Variants in SEMA3A observed in about 807,000 individuals in gnomAD.
SEMA3A encodes semaphorin-3A.
Under a neutral mutation model 97.9 loss-of-function variants are expected in SEMA3A, and 29 were observed. The ratio of observed to expected loss-of-function variants is 0.30; its 90% CI spans 0.22 to 0.40. The LOEUF is 0.40. SEMA3A is among the 10% of genes least tolerant of loss of function. SEMA3A has a pLI of 1.00. For synonymous variants in SEMA3A, 321 were observed against 323.7 expected, an observed-to-expected ratio of 0.99 and a Z score of 0.09; for missense variants, 763 against 951.3, an observed-to-expected ratio of 0.80 and a Z score of 2.60.
intron 2 of SEMA3A, among the ~76,000 whole-genome samples, chr7:84,132,848 G>A (rs1796007325): frequency 6.6e-6 from 1 of 151,362 alleles, no homozygotes; most frequent in Non-Finnish European, 1.5e-5. Flanking sequence ...GCTAATTTTT[G>A]TATTTTTAGT....
intron 1 of SEMA3A, among the ~76,000 whole-genome samples, chr7:84,419,945 T>C (rs1804540121): frequency 6.6e-6 from 1 of 152,176 alleles, no homozygotes; most frequent in African/African-American, 2.4e-5. Flanking sequence ...AGGAAATTTC[T>C]GCCATGATAC....
chr7:84,398,229 A>G (rs981633944), intron 1 of SEMA3A, among the ~76,000 whole-genome samples: 3 of 152,162 alleles, frequency 2.0e-5, no homozygotes, highest in Non-Finnish European at 2.9e-5. Flanking sequence ...TCCACCTCTC[A>G]TTATTGAAAC....
chr7:84,348,061 G>A (rs1802344709), intron 2 of SEMA3A, among the ~76,000 whole-genome samples: 1 of 151,866 alleles, frequency 6.6e-6, no homozygotes, highest in Non-Finnish European at 1.5e-5. Flanking sequence ...GAATGTATGG[G>A]GACTCTGCAT....
At chr7:83,975,432 G>A (rs1789103867) in intron 15 of SEMA3A, among the ~76,000 whole-genome samples, 1 of 151,970 alleles carries the variant, frequency 6.6e-6, no homozygotes, top group Admixed American at 6.6e-5. Flanking sequence ...GAATATAATG[G>A]TGTTGATAAT....
At position 83,986,919 on chromosome 7, in the gene SEMA3A, A is replaced by G. The variant is rs187791820; in HGVS notation, c.1453-1442T>C. On this transcript the variant is annotated intron_variant, in intron 12 of 16. Transcript: ENST00000265362. The stretch of plus-strand genomic sequence containing the variant: ...AACACATTACAAATGTGCTTGGTAT[A>G]TAGTGTTTATTCAAATCTCTCTTTC... Among the ~76,000 whole-genome samples, 359 of 151,988 alleles carry G rather than the reference A, an allele frequency of 2.4e-3. 1 individual carries two copies. The highest frequency in any genetic ancestry group is 3.6e-3 in the Non-Finnish European group (245 of 67,978).
At chr7:84,143,204 C>T (rs539090354) in intron 1 of SEMA3A, among the ~76,000 whole-genome samples, 11 of 152,220 alleles carry the variant, frequency 7.2e-5, no homozygotes, top group East Asian at 5.8e-4. Flanking sequence ...AAAACACATG[C>T]ACTTTCTACT....
At chr7:84,321,140 A>G (rs997333136) in intron 2 of SEMA3A, among the ~76,000 whole-genome samples, 1 of 152,200 alleles carries the variant, frequency 6.6e-6, no homozygotes, top group African/African-American at 2.4e-5. Flanking sequence ...GACACAATGT[A>G]TGGAGGAGAA....
At chr7:84,074,188 C>G (rs1384535047) in intron 4 of SEMA3A, among the ~76,000 whole-genome samples, 2 of 152,136 alleles carry the variant, frequency 1.3e-5, no homozygotes, top group Non-Finnish European at 2.9e-5. Flanking sequence ...TTCTGCTAAT[C>G]AAACTGCTTA....
intron 1 of SEMA3A, among the ~76,000 whole-genome samples, chr7:84,373,683 C>A (rs947074338): frequency 1.3e-5 from 2 of 152,066 alleles, no homozygotes; most frequent in Non-Finnish European, 2.9e-5. Context: ...AGGATATAAG[C>A]CCAAATGTGC....
upstream of SEMA3A, among the ~76,000 whole-genome samples, chr7:84,198,576 A>G (rs139316387): frequency 6.6e-6 from 1 of 152,338 alleles, no homozygotes. Context: ...TCCTCTAAGT[A>G]GCCTATTTTC....
chr7:84,261,828 A>G (rs1413619730), intron 3 of SEMA3A, among the ~76,000 whole-genome samples: 3 of 152,238 alleles, frequency 2.0e-5, no homozygotes, highest in Non-Finnish European at 4.4e-5. Context: ...CCCGAGCAAA[A>G]CCCAGGCAAA....
At position 84,207,825 on chromosome 7, in the gene SEMA3A, C is replaced by A. The variant is rs187743056; in HGVS notation, c.-82-13157G>T. On this transcript the variant is annotated intron_variant, in intron 3 of 3. Coordinates refer to the SEMA3A transcript ENST00000424555. ...GGAGGCGGGTTTCCCTGCAATTGAG[C>A]TGCAATAAAGAAAGACTGCTGTGAG... Among the ~76,000 whole-genome samples the A allele has an allele frequency of 1.1e-4, 17 of 152,122 alleles. No individual in the cohort carries two copies. In the East Asian group the frequency reaches 2.9e-3, roughly 26 times the overall value.
intron 1 of SEMA3A, among the ~76,000 whole-genome samples, chr7:84,480,461 A>G (rs1468542916): frequency 2.6e-5 from 4 of 152,228 alleles, no homozygotes; most frequent in Admixed American, 2.6e-4. Context: ...TGTTTAGAGC[A>G]TGAGCATAAA....
intron 5 of SEMA3A, among the ~76,000 whole-genome samples, chr7:84,058,455 G>C (rs1793083836): frequency 2.0e-5 from 3 of 151,930 alleles, no homozygotes; most frequent in Admixed American, 2.0e-4. Context: ...CCCAACAAGG[G>C]GAACTAAATG....
upstream of SEMA3A, among the ~76,000 whole-genome samples, chr7:84,196,629 A>T (rs560772619): frequency 1.5e-4 from 23 of 152,336 alleles, no homozygotes; most frequent in Admixed American, 2.6e-4. Flanking sequence ...CACACTTGTT[A>T]TACTAGGCAC....
intron 2 of SEMA3A, among the ~76,000 whole-genome samples, chr7:84,369,765 T>C (rs1802932200): frequency 6.7e-6 from 1 of 149,292 alleles, no homozygotes; most frequent in Non-Finnish European, 1.5e-5. Flanking sequence ...ATTAAATATA[T>C]ATTTATATAT....
intron 1 of SEMA3A, among the ~76,000 whole-genome samples, chr7:84,456,098 G>C (rs1463757643): frequency 6.6e-6 from 1 of 151,750 alleles, no homozygotes; most frequent in Non-Finnish European, 1.5e-5. Flanking sequence ...CTAAAAGTAA[G>C]GATGTCTGAG....
chr7:84,217,181 T>C (rs1037943368), intron 3 of SEMA3A, among the ~76,000 whole-genome samples: 14 of 152,210 alleles, frequency 9.2e-5, no homozygotes, highest in African/African-American at 3.4e-4. Context: ...GGAATGCCTC[T>C]CTTTGATAGA....
At chr7:83,976,649 A>G (rs551413169) in intron 15 of SEMA3A, among the ~76,000 whole-genome samples, 1 of 151,968 alleles carries the variant, frequency 6.6e-6, no homozygotes, top group Admixed American at 6.6e-5. Context: ...CCCTACTAGT[A>G]ATTCAGTGTA....
Sources: allele counts gnomAD v4.1 joint callset (sites outside exome capture counted in the v4.1 genomes callset), GRCh38; gene constraint gnomAD v4.1.1; transcripts MANE v1.5; gene names NCBI Gene and HGNC (gene_info 2026-07-23, HGNC 2026-07-21).